The following CTNNA3 variants were observed in gnomAD, a reference collection of about 807,000 sequenced individuals.
CTNNA3 encodes catenin alpha 3.
In CTNNA3, 76 loss-of-function variants were observed where a neutral mutation model predicts 95.7. That is an observed-to-expected ratio of 0.79 (90% CI 0.66 to 0.96). CTNNA3 has a LOEUF of 0.96. CTNNA3 is among the 40% of genes least tolerant of loss of function. The probability of loss-of-function intolerance (pLI) is 0.00; values close to 1 mark genes in which losing one functional copy is unlikely to be tolerated. For synonymous variants in CTNNA3, 431 were observed against 374.4 expected (o/e 1.15, Z -1.74); for missense variants, 1,191 against 1,089.8 (o/e 1.09, Z -1.31).
At chr10:66,822,926 G>C (rs1230131555) in intron 7 of CTNNA3, among the ~76,000 whole-genome samples, 1 of 152,154 alleles carries the variant, frequency 6.6e-6, no homozygotes, top group Non-Finnish European at 1.5e-5. Context: ...TGATCCACAG[G>C]CCAGCACAAA....
chr10:67,382,662 G>A (rs2132736242), intron 5 of CTNNA3, among the ~76,000 whole-genome samples: 1 of 152,058 alleles, frequency 6.6e-6, no homozygotes, highest in South Asian at 2.1e-4. Flanking sequence ...CATTTGCATT[G>A]TTATAAAGGA....
At chr10:66,339,113 G>A (rs1250722761) in intron 12 of CTNNA3, among the ~76,000 whole-genome samples, 1 of 151,744 alleles carries the variant, frequency 6.6e-6, no homozygotes, top group African/African-American at 2.4e-5. Context: ...ATTTTTTGTT[G>A]AGAGAATTAA....
chr10:66,698,604 T>C (rs1847843556), intron 9 of CTNNA3, among the ~76,000 whole-genome samples: 1 of 152,186 alleles, frequency 6.6e-6, no homozygotes, highest in African/African-American at 2.4e-5. Flanking sequence ...ATTGAAGTAA[T>C]AGAAGAAATC....
chr10:66,858,804 C>T (rs1311771178), intron 7 of CTNNA3, among the ~76,000 whole-genome samples: 1 of 151,568 alleles, frequency 6.6e-6, no homozygotes, highest in Non-Finnish European at 1.5e-5. Flanking sequence ...TAGCTAGTGG[C>T]CTATGTTATC....
intron 9 of CTNNA3, among the ~76,000 whole-genome samples, chr10:66,730,381 A>G (rs559929345): frequency 7.1e-4 from 108 of 152,286 alleles, no homozygotes; most frequent in Middle Eastern, 3.4e-3. Flanking sequence ...GTTCTCACTT[A>G]TAAGTGGGAG....
At chr10:67,737,819 A>C (rs1841311293) in intron 1 of CTNNA3, among the ~76,000 whole-genome samples, 1 of 152,232 alleles carries the variant, frequency 6.6e-6, no homozygotes, top group African/African-American at 2.4e-5. Flanking sequence ...ACTGTAAACT[A>C]GTTCAACCAT....
At chr10:66,638,025 T>C (rs1038896085) in intron 9 of CTNNA3, among the ~76,000 whole-genome samples, 4 of 152,110 alleles carry the variant, frequency 2.6e-5, no homozygotes, top group African/African-American at 9.7e-5. Context: ...AGCCTACCCT[T>C]TGGACCCTGA....
intron 11 of CTNNA3, among the ~76,000 whole-genome samples, chr10:66,401,483 C>T (rs908132341): frequency 2.7e-5 from 4 of 150,230 alleles, no homozygotes; most frequent in African/African-American, 7.4e-5. Flanking sequence ...TGCCACTGCA[C>T]TTCAGCCTGG....
rs548559077 is a variant in CTNNA3, at chr10:66,187,170, T to C, written c.1885-83921A>G. On this transcript the variant is annotated intron_variant, in intron 13 of 17. Transcript: ENST00000433211. Reference sequence around the variant, plus strand: ...GTGCAAAAATATTTGGCTTGTTCCCTGGAAAATCCCACGTGCAAAACTTGT... The same window carrying C: ...GTGCAAAAATATTTGGCTTGTTCCCCGGAAAATCCCACGTGCAAAACTTGT... Among the ~76,000 whole-genome samples the C allele has an allele frequency of 9.2e-5, 14 of 152,250 alleles. No individual in the cohort carries two copies. The South Asian group carries it at 2.9e-3, about 32-fold the overall frequency.
intron 1 of CTNNA3, among the ~76,000 whole-genome samples, chr10:67,689,124 T>G (rs1185621165): frequency 2.6e-5 from 4 of 152,326 alleles, no homozygotes; most frequent in African/African-American, 9.6e-5. Context: ...ACCTTACCAC[T>G]GTCCTATAAA....
intron 7 of CTNNA3, among the ~76,000 whole-genome samples, chr10:66,778,931 G>A (rs1386852137): frequency 1.3e-5 from 2 of 151,986 alleles, no homozygotes; most frequent in African/African-American, 2.4e-5. Context: ...AGCCGAGATC[G>A]CGCCACTGCA....
At chr10:66,925,818 A>C in intron 7 of CTNNA3, 2 of 339,146 alleles carry the variant, frequency 5.9e-6, no homozygotes, top group South Asian at 4.4e-5. Flanking sequence ...AGACGTTGCC[A>C]AATTGTAAAA....
chr10:67,257,280 G>A (rs1444345423), intron 5 of CTNNA3, among the ~76,000 whole-genome samples: 10 of 152,194 alleles, frequency 6.6e-5, no homozygotes, highest in Admixed American at 2.0e-4. Context: ...GACAGGGTTT[G>A]TGATTTTCTA....
At chr10:66,311,964 A>C (rs2092027375) in intron 12 of CTNNA3, among the ~76,000 whole-genome samples, 1 of 152,190 alleles carries the variant, frequency 6.6e-6, no homozygotes. Flanking sequence ...AAGGTAAAGT[A>C]TAGCTACATA....
chr10:66,293,458 TACA>T (rs1405778143), intron 12 of CTNNA3, among the ~76,000 whole-genome samples: 2 of 152,066 alleles, frequency 1.3e-5, no homozygotes, highest in South Asian at 2.1e-4. Context: ...AAAGTTAGAT[TACA>T]ACAAGTTGTA....
At chr10:66,004,174 C>T (rs1357051993) in intron 15 of CTNNA3, among the ~76,000 whole-genome samples, 2 of 152,146 alleles carry the variant, frequency 1.3e-5, no homozygotes, top group Admixed American at 6.5e-5. Flanking sequence ...CATCTTAAAG[C>T]ACTGAAATTC....
At position 67,743,157 on chromosome 10, in the gene CTNNA3, C is replaced by G. The variant is rs576984992; in HGVS notation, c.-2+20277G>C. Among the ~76,000 whole-genome samples the G allele has an allele frequency of 7.3e-3, 1,100 of 151,322 alleles. 30 individuals carry two copies. Among genetic ancestry groups the G allele is most frequent in the African/African-American group, 0.025 (1,048 of 41,384 alleles). ...ATCCTCCCTAACTCATTTTATGAGG[C>G]CAGCATCATCCTGATACCAAAGCCT... On this transcript the variant is annotated intron_variant, in intron 1 of 17. Coordinates refer to the CTNNA3 transcript ENST00000684154.
rs1430252976 is a variant in CTNNA3, at chr10:66,069,464, G to A, written c.2003C>T (p.Ala668Val). The A allele has an allele frequency of 6.2e-7, 1 of 1,612,402 alleles. No individual in the cohort carries two copies. Among genetic ancestry groups the A allele is most frequent in the East Asian group, 2.2e-5 (1 of 44,792 alleles). Residue 668 changes from alanine to valine, a missense_variant, in exon 15 of 18, where the codon GCA becomes GTA. Coordinates refer to ENST00000433211, the MANE Select transcript of CTNNA3 (RefSeq NM_013266.4). ...TTGCTCAGCAATCTTTTCTTTTTCT[G>A]CCTCAGGCAGTTGAGTCATCTTAGC... is the stretch of plus-strand genomic sequence containing the variant. ...DRAKMTQLPE[A>V]EKEKIAEQVA... is the part of the protein sequence containing the mutation.
At chr10:66,551,934 G>A (rs1419202602) in intron 10 of CTNNA3, among the ~76,000 whole-genome samples, 3 of 123,900 alleles carry the variant, frequency 2.4e-5, no homozygotes, top group East Asian at 2.6e-4. Context: ...ACAGAGTCTC[G>A]CTCTGTCGCC....
Sources: allele counts gnomAD v4.1 joint callset (sites outside exome capture counted in the v4.1 genomes callset), GRCh38; gene constraint gnomAD v4.1.1; transcripts MANE v1.5; gene names NCBI Gene and HGNC (gene_info 2026-07-23, HGNC 2026-07-21).